CD99L2: variants seen among roughly 807,000 people sequenced by gnomAD.
The protein encoded by CD99L2 is CD99 molecule like 2, also known as CD99 antigen-like protein 2.
Under a neutral mutation model 27.3 loss-of-function variants are expected in CD99L2, and 24 were observed. That is an observed-to-expected ratio of 0.88 (90% CI 0.64 to 1.24). CD99L2 has a LOEUF of 1.24. Ranked by LOEUF, CD99L2 falls within the 50% of genes most tolerant of loss-of-function variation. The pLI is 0.00. For missense variants in CD99L2, 255 were observed against 221.6 expected (o/e 1.15, Z -0.96); for synonymous variants, 97 against 87.9 (o/e 1.10, Z -0.58).
intron 1 of CD99L2, among the ~76,000 whole-genome samples, chrX:150,889,016 G>A (rs1461124915): frequency 5.3e-5 from 6 of 112,715 alleles, no homozygotes; most frequent in African/African-American, 1.3e-4. Context: ...CGACAGCAAC[G>A]GCCTTCAACC....
intron 4 of CD99L2, among the ~76,000 whole-genome samples, chrX:150,807,300 G>A (rs2046009653): frequency 1.8e-5 from 2 of 111,524 alleles, no homozygotes; most frequent in Admixed American, 1.9e-4. Context: ...ACTCTTTGGG[G>A]CAGGTTGACC....
chrX:150,852,399 C>CT (rs1246599303), intron 1 of CD99L2, among the ~76,000 whole-genome samples: 3 of 109,885 alleles, frequency 2.7e-5, no homozygotes, highest in Non-Finnish European at 5.7e-5. Context: ...CCTCAGGGCC[C>CT]TCAGGGGTCC....
intron 1 of CD99L2, among the ~76,000 whole-genome samples, chrX:150,865,245 C>T (rs781949275): frequency 1.4e-4 from 15 of 109,934 alleles, no homozygotes; most frequent in African/African-American, 5.0e-4. Context: ...TGCCTATAAT[C>T]GTAACACTTT....
intron 1 of CD99L2, among the ~76,000 whole-genome samples, chrX:150,883,979 CACA>C (rs200974153): frequency 0.021 from 2,388 of 111,772 alleles, 17 homozygotes; most frequent in Non-Finnish European, 0.034. Context: ...GTGAGGCTGG[CACA>C]ACAACTTTTT....
intron 5 of CD99L2, 61 bp downstream of exon 5, chrX:150,795,357 G>A (rs899193267): frequency 8.3e-7 from 1 of 1,204,490 alleles, no homozygotes. Flanking sequence ...TTTGGATCCT[G>A]TCTCAGAGGG....
intron 1 of CD99L2, among the ~76,000 whole-genome samples, chrX:150,859,290 G>A (rs968458589): frequency 2.6e-4 from 29 of 110,992 alleles, no homozygotes; most frequent in African/African-American, 9.5e-4. Flanking sequence ...CATGAGGTCA[G>A]GAGTTTGAGA....
At chrX:150,815,725 T>C (rs781922565) in intron 3 of CD99L2, among the ~76,000 whole-genome samples, 12 of 112,270 alleles carry the variant, frequency 1.1e-4, no homozygotes, top group Non-Finnish European at 1.9e-4. Context: ...CAATTACATT[T>C]TCCCTGATTT....
intron 1 of CD99L2, among the ~76,000 whole-genome samples, chrX:150,887,184 G>A (rs2047425886): frequency 9.2e-6 from 1 of 108,400 alleles, no homozygotes; most frequent in African/African-American, 3.4e-5. Context: ...GGTGGCTCAC[G>A]CCTGTGATCC....
At chrX:150,839,233 G>T (rs2046585860) in intron 1 of CD99L2, among the ~76,000 whole-genome samples, 1 of 111,846 alleles carries the variant, frequency 8.9e-6, no homozygotes, top group Non-Finnish European at 1.9e-5. Context: ...GTAGACTTTT[G>T]CTTCTTGCTA....
intron 1 of CD99L2, among the ~76,000 whole-genome samples, chrX:150,887,565 G>A (rs939942490): frequency 9.3e-6 from 1 of 107,434 alleles, no homozygotes; most frequent in African/African-American, 3.4e-5. Flanking sequence ...GCCCCACCTT[G>A]AGGGTTAATC....
intron 4 of CD99L2, 112 bp from the exon 5 acceptor site, chrX:150,795,598 C>T: frequency 2.8e-6 from 2 of 711,179 alleles, no homozygotes; most frequent in East Asian, 6.4e-5. Flanking sequence ...GTCCTTGAGG[C>T]TCCTATAGGA....
intron 2 of CD99L2, chrX:150,829,683 T>TA (rs782273920): frequency 6.2e-5 from 13 of 208,234 alleles, no homozygotes; most frequent in South Asian, 3.3e-4. Flanking sequence ...CTGTTAACAT[T>TA]AAAAAAACAA....
intron 7 of CD99L2, among the ~76,000 whole-genome samples, chrX:150,788,886 C>T (rs1274481573): frequency 1.8e-5 from 2 of 111,867 alleles, no homozygotes; most frequent in East Asian, 2.8e-4. Flanking sequence ...AATGAATGAG[C>T]GTTCTTGTTG....
intron 7 of CD99L2, among the ~76,000 whole-genome samples, chrX:150,778,688 ATATATAT>A (rs1569565880): frequency 6.1e-4 from 11 of 17,969 alleles, no homozygotes; most frequent in South Asian, 8.2e-3. Flanking sequence ...AAAAAAAAAT[ATATATAT>A]ATATATATAT....
intron 1 of CD99L2, among the ~76,000 whole-genome samples, chrX:150,855,589 C>T (rs2046870549): frequency 9.0e-6 from 1 of 111,587 alleles, no homozygotes; most frequent in Admixed American, 9.4e-5. Context: ...TCACCTCTTA[C>T]CAGGTCCCTC....
chrX:150,891,645 A>G (rs2047513685), intron 1 of CD99L2, among the ~76,000 whole-genome samples: 1 of 112,027 alleles, frequency 8.9e-6, no homozygotes, highest in African/African-American at 3.2e-5. Context: ...GGTTCCAGAG[A>G]TCAGGACGTG....
chrX:150,869,896 G>A (rs2047128761), intron 1 of CD99L2, among the ~76,000 whole-genome samples: 1 of 110,642 alleles, frequency 9.0e-6, no homozygotes. Context: ...ACTGGGGAGG[G>A]AAGACTGGGG....
At chrX:150,819,661 G>A (rs1325504043) in intron 2 of CD99L2, among the ~76,000 whole-genome samples, 3 of 111,639 alleles carry the variant, frequency 2.7e-5, no homozygotes, top group African/African-American at 6.5e-5. Context: ...CTAATTTCAG[G>A]AATGAGAGGA....
intron 1 of CD99L2, among the ~76,000 whole-genome samples, chrX:150,891,738 T>A (rs1397354279): frequency 9.0e-6 from 1 of 111,394 alleles, no homozygotes; most frequent in Non-Finnish European, 1.9e-5. Flanking sequence ...ACATGAAAGA[T>A]TTTCCAGCCC....
Sources: gnomAD v4.1 joint callset for allele counts (sites outside exome capture counted in the v4.1 genomes callset) on GRCh38, gnomAD v4.1.1 for gene constraint, MANE v1.5 for transcripts, NCBI Gene and HGNC (gene_info 2026-07-23, HGNC 2026-07-21) for gene names.